DYNC2I2: variants seen among roughly 807,000 people sequenced by gnomAD.
DYNC2I2 encodes dynein 2 intermediate chain 2.
A neutral mutation model predicts 52.0 loss-of-function variants in DYNC2I2; 39 were observed. That is an observed-to-expected ratio of 0.75 (90% CI 0.58 to 0.98). The LOEUF (loss-of-function observed/expected upper bound fraction) is 0.98, where lower values mean the gene tolerates loss of function less well. Ranked by LOEUF, DYNC2I2 falls within the 50% of genes least tolerant of loss-of-function variation. The probability of loss-of-function intolerance (pLI) is 0.00; values close to 1 mark genes in which losing one functional copy is unlikely to be tolerated. For missense variants in DYNC2I2, 743 were observed against 728.4 expected (o/e 1.02, Z -0.23); for synonymous variants, 359 against 321.1 (o/e 1.12, Z -1.26).
the DYNC2I2 span, among the ~76,000 whole-genome samples, chr9:128,671,470 C>CTTTTT: frequency 6.5e-5 from 7 of 107,750 alleles, no homozygotes; most frequent in Admixed American, 9.5e-5. Context: ...CTGGCTAATT[C>CTTTTT]TTTTTTTTTT....
intron 1 of DYNC2I2, among the ~76,000 whole-genome samples, chr9:128,655,983 G>A (rs544189803): frequency 1.2e-3 from 182 of 151,370 alleles, no homozygotes; most frequent in African/African-American, 4.3e-3. Context: ...CGAGGAAGGA[G>A]GACAGCTTAA....
intron 2 of DYNC2I2, among the ~76,000 whole-genome samples, chr9:128,639,007 T>C (rs1455471916): frequency 1.3e-5 from 2 of 152,140 alleles, no homozygotes; most frequent in Non-Finnish European, 2.9e-5. Flanking sequence ...AAGGAATGTT[T>C]ATACTTTGTA....
chr9:128,634,409 A>G (rs745664079), intron 7 of DYNC2I2, 26 bp from the exon 8 acceptor site: 178 of 1,556,554 alleles, frequency 1.1e-4, no homozygotes, highest in Non-Finnish European at 1.5e-4. Flanking sequence ...GGGGCCAGGC[A>G]AGGGAATCAG....
In DYNC2I2 at chr9:128,634,806, G is replaced by C. The variant is rs777338886; in HGVS notation, c.1097C>G (p.Ala366Gly). 2 of 1,613,000 alleles carry C rather than the reference G, an allele frequency of 1.2e-6. No homozygotes were observed. The highest frequency in any genetic ancestry group is 1.7e-6 in the Non-Finnish European group (2 of 1,179,722). The change falls in exon 7 of 9, where the codon GCT (alanine) becomes GGT (glycine). Residue 366 changes from alanine to glycine, a missense_variant. Transcript: ENST00000372715. Reference protein sequence around the residue: ...GGFPLKCSLAAGEAALTRMPS... With the variant: ...GGFPLKCSLAGGEAALTRMPS... ...CATCCGCGTGAGGGCTGCCTCTCCAGCTGCCAGGGAACACTTGAGCGGGAA... is the reference window on the plus strand; with the variant it reads ...CATCCGCGTGAGGGCTGCCTCTCCACCTGCCAGGGAACACTTGAGCGGGAA...
chr9:128,663,905 G>A, the DYNC2I2 span, among the ~76,000 whole-genome samples: 6 of 149,752 alleles, frequency 4.0e-5, no homozygotes, highest in South Asian at 4.2e-4. Context: ...CGTCTGCCTC[G>A]GCCTTTCAAA....
At chr9:128,634,179 G>A in intron 8 of DYNC2I2, 47 bp downstream of exon 8, 1 of 1,608,860 alleles carries the variant, frequency 6.2e-7, no homozygotes, top group African/African-American at 1.3e-5. Context: ...GCAGGGCCCA[G>A]ACCACCCACC....
At chr9:128,634,151 C>A in intron 8 of DYNC2I2, 75 bp downstream of exon 8, 1 of 1,595,146 alleles carries the variant, frequency 6.3e-7, no homozygotes, top group South Asian at 1.1e-5. Flanking sequence ...TTTCCCCAAC[C>A]CAGAACCCCA....
rs146903531 is a variant in DYNC2I2 at position 128,634,786 on chromosome 9, G to C, written c.1117C>G (p.Arg373Gly). The change falls in exon 7 of 9, where the codon CGG (arginine) becomes GGG (glycine). Residue 373 changes from arginine to glycine, a missense_variant. Coordinates refer to ENST00000372715, the MANE Select transcript of DYNC2I2 (RefSeq NM_052844.4). ...SLAAGEAALTRMPSSVPLRAP... is the reference protein window; with the variant it reads ...SLAAGEAALTGMPSSVPLRAP... ...CGCAGGGGCACGGAGCTGGGCATCC[G>C]CGTGAGGGCTGCCTCTCCAGCTGCC... 4 of 1,611,152 alleles carry C rather than the reference G, an allele frequency of 2.5e-6. No homozygotes were observed. Among genetic ancestry groups the C allele is most frequent in the South Asian group, 1.1e-5 (1 of 90,702 alleles).
chr9:128,666,213 TA>T, the DYNC2I2 span, among the ~76,000 whole-genome samples: 1 of 150,144 alleles, frequency 6.7e-6, no homozygotes, highest in African/African-American at 2.5e-5. Flanking sequence ...CCATCTCTAC[TA>T]AAAATACAAA....
At chr9:128,656,933 G>A (rs1860842221), upstream of DYNC2I2, 1 of 494,910 alleles carries the variant, frequency 2.0e-6, no homozygotes, top group East Asian at 3.6e-5. Context: ...CCTGTCCCCA[G>A]AAAAAGCACT....
the DYNC2I2 span, among the ~76,000 whole-genome samples, chr9:128,675,550 T>C: frequency 9.2e-5 from 14 of 152,110 alleles, no homozygotes; most frequent in African/African-American, 3.1e-4. Context: ...CCTATAAAGA[T>C]GGATGGGAGG....
chr9:128,635,517 G>T, intron 5 of DYNC2I2, 141 bp downstream of exon 5: 1 of 846,080 alleles, frequency 1.2e-6, no homozygotes, highest in Non-Finnish European at 1.8e-6. Flanking sequence ...CCTGAGGGGG[G>T]TGACTCATGC....
At chr9:128,682,463 G>A in the DYNC2I2 span, among the ~76,000 whole-genome samples, 1 of 152,010 alleles carries the variant, frequency 6.6e-6, no homozygotes, top group African/African-American at 2.4e-5. Context: ...GTTGGCTTGG[G>A]ACCAGGAGTT....
chr9:128,678,072 C>CT, the DYNC2I2 span, among the ~76,000 whole-genome samples: 9,956 of 141,574 alleles, frequency 0.07, 1,068 homozygotes, highest in African/African-American at 0.23. Context: ...CTTTTCTTTT[C>CT]TTTTTTTTTT....
chr9:128,640,721 G>A lies in DYNC2I2; in HGVS notation c.405C>T (p.Phe135=), dbSNP rs772333040. The A allele has an allele frequency of 5.0e-6, 8 of 1,614,170 alleles. No individual in the cohort carries two copies. Among genetic ancestry groups the A allele is most frequent in the African/African-American group, 2.7e-5 (2 of 75,052 alleles). Residue 135 remains phenylalanine (F), a synonymous_variant, in exon 2 of 9, where the codon TTC becomes TTT. Transcript: ENST00000372715. ...GCTGCTGCTCGGTCCAGTTCACCTCGAAGCCATCAAACGCGTGGCTCTGCC... is the reference window on the plus strand; with the variant it reads ...GCTGCTGCTCGGTCCAGTTCACCTCAAAGCCATCAAACGCGTGGCTCTGCC... ...KNWQSHAFDG[F]EVNWTEQQQM...
At chr9:128,657,766 C>T (rs1174023335), upstream of DYNC2I2, among the ~76,000 whole-genome samples, 1 of 152,028 alleles carries the variant, frequency 6.6e-6, no homozygotes, top group Non-Finnish European at 1.5e-5. Context: ...ATGATTACAC[C>T]ACTACACTAC....
At chr9:128,661,042 A>G (rs1488877900), upstream of DYNC2I2, among the ~76,000 whole-genome samples, 1 of 151,920 alleles carries the variant, frequency 6.6e-6, no homozygotes. Flanking sequence ...CTGTTTTAAT[A>G]ATGAGGTTGT....
the DYNC2I2 span, among the ~76,000 whole-genome samples, chr9:128,669,281 C>T: frequency 6.6e-6 from 1 of 152,012 alleles, no homozygotes; most frequent in Non-Finnish European, 1.5e-5. Context: ...AGGAGAATGG[C>T]GTGAACCTGG....
At chr9:128,683,814 C>A in the DYNC2I2 span, 1 of 1,223,354 alleles carries the variant, frequency 8.2e-7, no homozygotes, top group Non-Finnish European at 1.1e-6. Flanking sequence ...AAGCCGCTGG[C>A]ACCTGGGGCA....
Sources: gnomAD v4.1 joint callset for allele counts (sites outside exome capture counted in the v4.1 genomes callset) on GRCh38, gnomAD v4.1.1 for gene constraint, MANE v1.5 for transcripts, NCBI Gene and HGNC (gene_info 2026-07-23, HGNC 2026-07-21) for gene names.